Variants in CELF4 observed in about 807,000 individuals in gnomAD.
CELF4 encodes CUGBP Elav-like family member 4, also known as CUG-BP- and ETR-3-like factor 4.
Under a neutral mutation model 59.9 loss-of-function variants are expected in CELF4, and 18 were observed. That is an observed-to-expected ratio of 0.30 (90% CI 0.21 to 0.45). The LOEUF (loss-of-function observed/expected upper bound fraction) is 0.45. Among genes scored for constraint, CELF4 ranks in the 20% least tolerant of loss-of-function variants. The pLI is 1.00. For synonymous variants in CELF4, 261 were observed against 267.1 expected (o/e 0.98, Z 0.22); for missense variants, 456 against 689.0 (o/e 0.66, Z 3.79).
chr18:37,529,549 G>A (rs1774254770), intron 1 of CELF4, among the ~76,000 whole-genome samples: 1 of 152,224 alleles, frequency 6.6e-6, no homozygotes, highest in Admixed American at 6.5e-5. Flanking sequence ...GAGGCTGGGG[G>A]ACTGGCAGTA....
intron 2 of CELF4, among the ~76,000 whole-genome samples, chr18:37,470,890 C>G (rs148822143): frequency 0.19 from 17,052 of 91,386 alleles, 1,301 homozygotes; most frequent in Middle Eastern, 0.23. Context: ...GTGTGTGTGA[C>G]AGAGAGAGAG....
At chr18:37,397,970 A>G (rs924157344) in intron 2 of CELF4, among the ~76,000 whole-genome samples, 17 of 152,098 alleles carry the variant, frequency 1.1e-4, no homozygotes, top group African/African-American at 4.1e-4. Flanking sequence ...CTCACCCTCT[A>G]TCCTGACGAT....
At chr18:37,503,192 C>T (rs1006595275) in intron 1 of CELF4, among the ~76,000 whole-genome samples, 1 of 152,244 alleles carries the variant, frequency 6.6e-6, no homozygotes, top group Non-Finnish European at 1.5e-5. Flanking sequence ...CCCTGGCCTC[C>T]CCTGGGATGG....
intron 3 of CELF4, among the ~76,000 whole-genome samples, chr18:37,288,867 A>G (rs2095076685): frequency 6.6e-6 from 1 of 152,140 alleles, no homozygotes. Context: ...CTCTGTTGTT[A>G]GAGAATAGAG....
chr18:37,344,025 T>C (rs1257464842), intron 2 of CELF4, among the ~76,000 whole-genome samples: 1 of 152,196 alleles, frequency 6.6e-6, no homozygotes, highest in Non-Finnish European at 1.5e-5. Flanking sequence ...AGGAAGCCCA[T>C]TAGATCTCTT....
chr18:37,289,651 CA>C (rs2095178309), intron 3 of CELF4, among the ~76,000 whole-genome samples: 1 of 152,174 alleles, frequency 6.6e-6, no homozygotes, highest in Non-Finnish European at 1.5e-5. Context: ...GCCATCTCCA[CA>C]CATCCTGTCC....
chr18:37,414,468 A>G (rs1201971068), intron 2 of CELF4, among the ~76,000 whole-genome samples: 2 of 145,636 alleles, frequency 1.4e-5, no homozygotes, highest in African/African-American at 5.1e-5. Flanking sequence ...CTATCTATCC[A>G]TCTACCCATC....
chr18:37,360,672 T>C (rs1029436731), intron 2 of CELF4, among the ~76,000 whole-genome samples: 2 of 152,226 alleles, frequency 1.3e-5, no homozygotes, highest in Admixed American at 6.5e-5. Context: ...TCTTCATGCC[T>C]GCAGGCTTCT....
intron 2 of CELF4, among the ~76,000 whole-genome samples, chr18:37,425,980 A>T (rs1163948367): frequency 6.6e-6 from 1 of 152,188 alleles, no homozygotes; most frequent in African/African-American, 2.4e-5. Flanking sequence ...CAGTGCCTGG[A>T]GGGGAAACAG....
chr18:37,533,395 G>A (rs1342492026), intron 1 of CELF4, among the ~76,000 whole-genome samples: 1 of 152,134 alleles, frequency 6.6e-6, no homozygotes, highest in East Asian at 1.9e-4. Context: ...CAATGTCTTG[G>A]CCCCTCAACC....
chr18:37,463,118 C>G (rs1179740835), intron 2 of CELF4, among the ~76,000 whole-genome samples: 1 of 152,182 alleles, frequency 6.6e-6, no homozygotes, highest in South Asian at 2.1e-4. Context: ...AGGACAGGGT[C>G]TGATGTGATT....
At chr18:37,313,677 A>G (rs906317060) in intron 3 of CELF4, among the ~76,000 whole-genome samples, 1 of 152,238 alleles carries the variant, frequency 6.6e-6, no homozygotes, top group African/African-American at 2.4e-5. Context: ...AAGCCCTTGC[A>G]GACAACACAT....
intron 12 of CELF4, among the ~76,000 whole-genome samples, chr18:37,252,021 C>G (rs73423151): frequency 0.062 from 9,493 of 152,104 alleles, 983 homozygotes; most frequent in African/African-American, 0.22. Context: ...ACAAGCACTC[C>G]CCCAGAGAGA....
At position 37,441,273 on chromosome 18, in the gene CELF4, C is replaced by CTGTGTGTGTG. The variant is rs36008798; in HGVS notation, c.369+44242_369+44251dup. Among the ~76,000 whole-genome samples the CTGTGTGTGTG allele has an allele frequency of 2.2e-3, 317 of 143,414 alleles. 1 individual carries two copies. Among genetic ancestry groups the CTGTGTGTGTG allele is most frequent in the African/African-American group, 7.8e-3 (300 of 38,302 alleles). The allele number at this position is 143,414 out of a possible 152,430, so 94.1% of individuals were successfully genotyped here. Reference sequence around the variant, plus strand: ...CCCTACCTCCCAGAACTCAACAATGCTGTGTGTGTGTGTGTGTGTGTGTGT... The same window carrying CTGTGTGTGTG: ...CCCTACCTCCCAGAACTCAACAATGCTGTGTGTGTGTGTGTGTGTGTGTGTGTGTGTGTGT... On this transcript the variant is annotated intron_variant, in intron 2 of 12. Transcript: ENST00000420428.
At chr18:37,289,947 A>G (rs2095217728) in intron 3 of CELF4, among the ~76,000 whole-genome samples, 2 of 152,198 alleles carry the variant, frequency 1.3e-5, no homozygotes, top group Admixed American at 1.3e-4. Flanking sequence ...TCACCTCCAC[A>G]TGACTGATTT....
chr18:37,270,904 A>C lies in CELF4; in HGVS notation c.963T>G (p.Pro321=). Residue 321 remains proline, a synonymous_variant, in exon 8 of 13, where the codon CCT becomes CCG. Coordinates refer to ENST00000420428, the MANE Select transcript of CELF4 (RefSeq NM_020180.4). ...PMTPTSGGST[P]PGITAPAVPS... is the part of the protein sequence containing the mutation. ...GCACGGCTGGTGCAGTGATGCCCGG[A>C]GGGGTGCTGCCACCTGGTTCCAGGC... The C allele has an allele frequency of 6.2e-7, 1 of 1,609,114 alleles. No individual in the cohort carries two copies. Among genetic ancestry groups the C allele is most frequent in the Non-Finnish European group, 8.5e-7 (1 of 1,177,606 alleles).
chr18:37,280,152 C>T (rs1440535126), intron 3 of CELF4, among the ~76,000 whole-genome samples: 1 of 152,166 alleles, frequency 6.6e-6, no homozygotes, highest in Non-Finnish European at 1.5e-5. Context: ...GTACTCACCA[C>T]CCCACCTGCG....
chr18:37,263,366 T>C (rs2154317953), intron 10 of CELF4, among the ~76,000 whole-genome samples: 1 of 152,252 alleles, frequency 6.6e-6, no homozygotes, highest in African/African-American at 2.4e-5. Flanking sequence ...CTTGAGGCTC[T>C]TTCCAGGACT....
At chr18:37,437,482 G>C (rs898631250) in intron 2 of CELF4, among the ~76,000 whole-genome samples, 1 of 152,134 alleles carries the variant, frequency 6.6e-6, no homozygotes, top group Admixed American at 6.5e-5. Flanking sequence ...GGTTGGTTGT[G>C]GGGGAGATAC....
Sources: gnomAD v4.1 joint callset for allele counts (sites outside exome capture counted in the v4.1 genomes callset) on GRCh38, gnomAD v4.1.1 for gene constraint, MANE v1.5 for transcripts, NCBI Gene and HGNC (gene_info 2026-07-23, HGNC 2026-07-21) for gene names.